TPT1: variants seen among roughly 807,000 people sequenced by gnomAD.
The protein encoded by TPT1 is translationally-controlled tumor protein.
Under a neutral mutation model 22.8 loss-of-function variants are expected in TPT1, and 5 were observed. That is an observed-to-expected ratio of 0.22 (90% confidence interval 0.11 to 0.46). The LOEUF is 0.46. TPT1 is among the 20% of genes least tolerant of loss of function. The pLI is 0.99. For missense variants in TPT1, 130 were observed against 218.7 expected (o/e 0.59, Z 2.56); for synonymous variants, 89 against 73.6 (o/e 1.21, Z -1.07).
At chr13:45,340,822 T>C (rs2234216) in intron 1 of TPT1, 37 bp from the exon 2 acceptor site, 940,218 of 1,497,112 alleles carry the variant, frequency 0.63, 301,109 homozygotes, top group African/African-American at 0.86. Context: ...ACCGTGCGCC[T>C]GGCGCCGCCA....
At chr13:45,339,189 C>T (rs1055557692) in intron 4 of TPT1, 3 of 317,104 alleles carry the variant, frequency 9.5e-6, no homozygotes, top group Non-Finnish European at 1.1e-5. Context: ...TGACATTTTC[C>T]AAAAGTAGAA....
In TPT1 at chr13:45,336,065, G is replaced by C. The variant is rs1404035388; in HGVS notation, c.*1321C>G. On this transcript the variant is annotated 3_prime_UTR_variant, in exon 6 of 6. Coordinates refer to ENST00000530705, the MANE Select transcript of TPT1 (RefSeq NM_003295.4). ...CCCTCCCAGGCTAGGCCTGCACTTT[G>C]GGAGGCTGAGGTGGGCAGATCTCCT... The C allele has an allele frequency of 6.6e-6, 1 of 152,196 alleles. No homozygotes were observed. The highest frequency in any genetic ancestry group is 2.4e-5 in the African/African-American group (1 of 41,430). The allele number at this position is 152,196 out of a possible 1,614,324, so 9.4% of individuals were successfully genotyped here.
intron 4 of TPT1, chr13:45,339,063 A>G: frequency 3.0e-6 from 1 of 333,618 alleles, no homozygotes; most frequent in Non-Finnish European, 5.4e-6. Context: ...GCGTGCTTAT[A>G]TAGTCAACCA....
At chr13:45,340,210 TG>T in intron 2 of TPT1, 26 bp from the exon 3 acceptor site, 2 of 1,596,598 alleles carry the variant, frequency 1.3e-6, no homozygotes, top group Admixed American at 3.5e-5. Context: ...GCAGTATAAT[TG>T]CAAAAGACAC....
chr13:45,336,725 G>C lies in TPT1; in HGVS notation c.*661C>G, dbSNP rs1180240941. ...TCTTTTCCCCTCAACCATTTAAAAA[G>C]GCAACCAACCACCTTAAAGTGTACA... On this transcript the variant is annotated 3_prime_UTR_variant, in exon 6 of 6. Coordinates refer to ENST00000530705, the MANE Select transcript of TPT1 (RefSeq NM_003295.4). The C allele has an allele frequency of 1.3e-5, 2 of 152,208 alleles. No individual in the cohort carries two copies. Among genetic ancestry groups the C allele is most frequent in the Admixed American group, 6.6e-5 (1 of 15,252 alleles). The allele number at this position is 152,208 out of a possible 1,614,324, so 9.4% of individuals were successfully genotyped here.
At position 45,340,693 on chromosome 13, in the gene TPT1, G is replaced by A; in HGVS notation, c.102+19C>T. 1 of 1,554,288 alleles carries A rather than the reference G, an allele frequency of 6.4e-7. No homozygotes were observed. The highest frequency in any genetic ancestry group is 2.3e-5 in the East Asian group (1 of 44,088). On this transcript the variant is annotated intron_variant, in intron 2 of 5. Transcript: ENST00000530705. ...CCGCTCGGCCCGGACTCCCCCACGC[G>A]CAGGCCCGACCGACTCACCTTCCCC... is the stretch of plus-strand genomic sequence containing the variant.
chr13:45,339,835 A>C, intron 3 of TPT1, 159 bp downstream of exon 3: 2 of 837,460 alleles, frequency 2.4e-6, no homozygotes, highest in Non-Finnish European at 3.6e-6. Context: ...CAGTATGCTC[A>C]TATTATAGAA....
In TPT1 at chr13:45,337,170, T is replaced by G; in HGVS notation, c.*216A>C. On this transcript the variant is annotated 3_prime_UTR_variant, in exon 6 of 6. Transcript: ENST00000530705. Reference sequence around the variant, plus strand: ...ATATGCATTAAACTAAAAGGCATTCTCTCAAATGAGTTTAAATGCATTTTA... The same window carrying G: ...ATATGCATTAAACTAAAAGGCATTCGCTCAAATGAGTTTAAATGCATTTTA... The G allele has an allele frequency of 1.7e-6, 1 of 604,722 alleles. No homozygotes were observed. The highest frequency in any genetic ancestry group is 2.9e-6 in the Non-Finnish European group (1 of 340,886). The allele number at this position is 604,722 out of a possible 1,614,324, so 37.5% of individuals were successfully genotyped here. A position where few individuals can be genotyped will look rare whatever the true frequency, so the allele number is the denominator to read the frequency against.
Position 45,341,076 on chromosome 13 carries a change from G to T in TPT1, c.-7C>A. On this transcript the variant is annotated 5_prime_UTR_variant, in exon 1 of 6. Transcript: ENST00000530705. Reference sequence around the variant, plus strand: ...GGTCCCGGTAGATAATCATGATGGCGACTGAAGGGAGACGACGACGGCGCT... The same window carrying T: ...GGTCCCGGTAGATAATCATGATGGCTACTGAAGGGAGACGACGACGGCGCT... 1 of 1,613,240 alleles carries T rather than the reference G, an allele frequency of 6.2e-7. No homozygotes were observed. The highest frequency in any genetic ancestry group is 8.5e-7 in the Non-Finnish European group (1 of 1,179,520).
intron 3 of TPT1, 67 bp downstream of exon 3, chr13:45,339,927 A>G: frequency 1.9e-6 from 3 of 1,561,288 alleles, no homozygotes; most frequent in Non-Finnish European, 2.6e-6. Flanking sequence ...AAGAACCTCA[A>G]AAGTTAGCCA....
At chr13:45,339,225 G>A (rs962342759) in intron 4 of TPT1, 4 of 379,358 alleles carry the variant, frequency 1.1e-5, no homozygotes, top group Non-Finnish European at 1.9e-5. Context: ...ACATTAGAAG[G>A]AGGACCAGTA....
intron 4 of TPT1, chr13:45,339,257 G>GT: frequency 2.4e-6 from 1 of 416,902 alleles, no homozygotes. Context: ...CATTAAAATT[G>GT]TAAGCAAAAA....
At position 45,339,974 on chromosome 13, in the gene TPT1, G is replaced by A; in HGVS notation, c.293+20C>T. On this transcript the variant is annotated intron_variant, in intron 3 of 5. Transcript: ENST00000530705. ...CTGTAAGATTCTAGACATCAGCTAGGTACTGCCAGTATCACTTACGATTTC... is the reference window on the plus strand; with the variant it reads ...CTGTAAGATTCTAGACATCAGCTAGATACTGCCAGTATCACTTACGATTTC... The A allele has an allele frequency of 1.2e-6, 2 of 1,612,886 alleles. No homozygotes were observed. The highest frequency in any genetic ancestry group is 8.5e-7 in the Non-Finnish European group (1 of 1,179,042).
chr13:45,335,869 A>C lies in TPT1; in HGVS notation c.*1517T>G, dbSNP rs1217106015. The C allele has an allele frequency of 6.6e-6, 1 of 152,232 alleles. No individual in the cohort carries two copies. The highest frequency in any genetic ancestry group is 1.5e-5 in the Non-Finnish European group (1 of 68,058). The allele number at this position is 152,232 out of a possible 1,614,324, so 9.4% of individuals were successfully genotyped here. On this transcript the variant is annotated 3_prime_UTR_variant, in exon 6 of 6. Coordinates refer to ENST00000530705, the MANE Select transcript of TPT1 (RefSeq NM_003295.4). ...GTATCTGCCTCAGGTTTTGGACACT[A>C]TGGACAGTCTGGAATTTGACACTAG...
chr13:45,333,996 G>C lies in TPT1; in HGVS notation c.*3390C>G, dbSNP rs1203820048. ...TCACTGCCGCCCAGGCTGGAGTGCAGTGGTATGATCACAGCTCACTGCACC... is the reference window on the plus strand; with the variant it reads ...TCACTGCCGCCCAGGCTGGAGTGCACTGGTATGATCACAGCTCACTGCACC... On this transcript the variant is annotated 3_prime_UTR_variant, in exon 6 of 6. Coordinates refer to ENST00000530705, the MANE Select transcript of TPT1 (RefSeq NM_003295.4). 2.0e-5 allele frequency: 3 copies of C among 152,122 alleles called. No individual in the cohort carries two copies. Among genetic ancestry groups the C allele is most frequent in the African/African-American group, 7.2e-5 (3 of 41,398 alleles). 9.4% of individuals were successfully genotyped at this position (152,122 alleles called of 1,614,324 possible).
rs1247437938 is a variant in TPT1 at position 45,339,481 on chromosome 13, T to C, written c.399+16A>G. The C allele has an allele frequency of 2.5e-6, 4 of 1,601,222 alleles. No homozygotes were observed. The South Asian group carries it at 3.4e-5, about 13-fold the overall frequency. ...AAATTGTACAATCCTTTGATCCAGA[T>C]ACTTAAGGTATTTACCTGGTAGTTT... On this transcript the variant is annotated intron_variant, in intron 4 of 5. Coordinates refer to ENST00000530705, the MANE Select transcript of TPT1 (RefSeq NM_003295.4).
rs1593553624 is a variant in TPT1 at position 45,336,695 on chromosome 13, G to T, written c.*691C>A. On this transcript the variant is annotated 3_prime_UTR_variant, in exon 6 of 6. Transcript: ENST00000530705. ...CGAACTTAAATTCCATATCCCACAAGGTATTCTTTTCCCCTCAACCATTTA... is the reference window on the plus strand; with the variant it reads ...CGAACTTAAATTCCATATCCCACAATGTATTCTTTTCCCCTCAACCATTTA... 6.6e-6 allele frequency: 1 copy of T among 152,182 alleles called. No homozygotes were observed. The highest frequency in any genetic ancestry group is 1.5e-5 in the Non-Finnish European group (1 of 68,092). The allele number at this position is 152,182 out of a possible 1,614,324, so 9.4% of individuals were successfully genotyped here.
intron 2 of TPT1, 37 bp downstream of exon 2, chr13:45,340,675 G>GCCCGGACTCCCCCACGCGCAGGCCCGA (rs1566177873): frequency 5.1e-6 from 8 of 1,559,300 alleles, no homozygotes; most frequent in South Asian, 2.4e-5. Flanking sequence ...AGCCCGCTCG[G>GCCCGGACTCCCCCACGCGCAGGCCCGA]CCCGGACTCC....
rs1488798030 is a variant in TPT1 at position 45,335,060 on chromosome 13, G to A, written c.*2326C>T. On this transcript the variant is annotated 3_prime_UTR_variant, in exon 6 of 6. Transcript: ENST00000530705. ...CTTTAACAAACCCTAGGGCCCACAG[G>A]CTACTAAAGCATGCCTTTGTTAAAC... 1 of 152,154 alleles carries A rather than the reference G, an allele frequency of 6.6e-6. No homozygotes were observed. The highest frequency in any genetic ancestry group is 1.5e-5 in the Non-Finnish European group (1 of 68,036). 9.4% of individuals were successfully genotyped at this position (152,154 alleles called of 1,614,324 possible). A position where few individuals can be genotyped will look rare whatever the true frequency, so the allele number is the denominator to read the frequency against.
Sources: allele counts gnomAD v4.1 joint callset, GRCh38; gene constraint gnomAD v4.1.1; transcripts MANE v1.5; gene names NCBI Gene and HGNC (gene_info 2026-07-23, HGNC 2026-07-21).